Variants in NR2F1-AS1 observed in about 807,000 individuals in gnomAD.
The protein encoded by NR2F1-AS1 is NR2F1 antisense RNA 1.
chr5:93,495,689 AT>A (rs1244840093), intron 4 of NR2F1-AS1, among the ~76,000 whole-genome samples: 1 of 152,122 alleles, frequency 6.6e-6, no homozygotes, highest in African/African-American at 2.4e-5. Flanking sequence ...ACTTTATAAA[AT>A]TTTAATAAGG....
chr5:93,522,341 A>T (rs1055954983), intron 4 of NR2F1-AS1, among the ~76,000 whole-genome samples: 3 of 152,350 alleles, frequency 2.0e-5, no homozygotes, highest in Non-Finnish European at 2.9e-5. Flanking sequence ...CTTCACAAGT[A>T]TCCCCGAACC....
intron 4 of NR2F1-AS1, among the ~76,000 whole-genome samples, chr5:93,520,826 C>G (rs955652316): frequency 2.0e-5 from 3 of 152,256 alleles, no homozygotes; most frequent in Non-Finnish European, 2.9e-5. Flanking sequence ...AAGCCTCCCC[C>G]CAAAGAAAGC....
chr5:93,452,283 A>G (rs1749847627), intron 4 of NR2F1-AS1, among the ~76,000 whole-genome samples: 1 of 152,232 alleles, frequency 6.6e-6, no homozygotes, highest in Non-Finnish European at 1.5e-5. Context: ...CTGCCTTCCA[A>G]TCATAAATAA....
chr5:93,585,553 C>G, upstream of NR2F1-AS1: 14 of 1,350,962 alleles, frequency 1.0e-5, no homozygotes, highest in Non-Finnish European at 1.3e-5. Flanking sequence ...CTTTCTTTCT[C>G]GCCCGGGTGG....
At chr5:93,505,490 T>C (rs1408770819) in intron 4 of NR2F1-AS1, among the ~76,000 whole-genome samples, 2 of 152,178 alleles carry the variant, frequency 1.3e-5, no homozygotes, top group East Asian at 3.9e-4. Flanking sequence ...CAGCAGAGGT[T>C]CTCCATGAGG....
chr5:93,536,844 C>G (rs1040430077), intron 4 of NR2F1-AS1, among the ~76,000 whole-genome samples: 1 of 152,252 alleles, frequency 6.6e-6, no homozygotes, highest in Admixed American at 6.5e-5. Context: ...GTGGAAGGGA[C>G]CTGGTGGGAG....
chr5:93,476,984 T>A (rs960207560), intron 4 of NR2F1-AS1, among the ~76,000 whole-genome samples: 8 of 152,220 alleles, frequency 5.3e-5, no homozygotes, highest in African/African-American at 1.9e-4. Context: ...TTTGGTTTGA[T>A]TCAAACCAAA....
intron 4 of NR2F1-AS1, chr5:93,432,359 AC>A (rs1749345262): frequency 6.6e-6 from 1 of 152,162 alleles, no homozygotes; most frequent in African/African-American, 2.4e-5. Context: ...TTTTCCAAGT[AC>A]TTACCATGAT....
intron 2 of NR2F1-AS1, among the ~76,000 whole-genome samples, chr5:93,558,320 T>C (rs748672044): frequency 1.5e-5 from 2 of 130,580 alleles, no homozygotes; most frequent in African/African-American, 3.5e-5. Flanking sequence ...AATGTATTTC[T>C]TTTTTTTTTT....
chr5:93,575,475 A>G (rs924449820), intron 1 of NR2F1-AS1, among the ~76,000 whole-genome samples: 8 of 151,902 alleles, frequency 5.3e-5, no homozygotes, highest in African/African-American at 1.9e-4. Flanking sequence ...AAACTTTTAA[A>G]CTGCCTAATG....
intron 4 of NR2F1-AS1, among the ~76,000 whole-genome samples, chr5:93,523,409 G>C (rs1751545164): frequency 6.6e-6 from 1 of 152,204 alleles, no homozygotes. Flanking sequence ...GGAAGTGGCA[G>C]CTGTGGGTGC....
At chr5:93,532,748 A>T (rs1055196074) in intron 4 of NR2F1-AS1, among the ~76,000 whole-genome samples, 1 of 152,364 alleles carries the variant, frequency 6.6e-6, no homozygotes, top group Non-Finnish European at 1.5e-5. Context: ...TTCGTGGTTA[A>T]GTGAAAACTG....
chr5:93,453,739 C>T lies in NR2F1-AS1; in HGVS notation n.639-58197G>A, dbSNP rs1030385135. 3.9e-5 allele frequency among the ~76,000 whole-genome samples: 6 copies of T among 152,138 alleles called. No homozygotes were observed. In the East Asian group the frequency reaches 5.8e-4, roughly 15 times the overall value. On this transcript the variant is annotated intron_variant and non_coding_transcript_variant, in intron 4 of 5. Transcript: ENST00000660523. ...AACAAAAAACAAATAAAAAAACACA[C>T]GTTCTATACAGGAAAAAATATATCT... is the stretch of plus-strand genomic sequence containing the variant.
intron 4 of NR2F1-AS1, among the ~76,000 whole-genome samples, chr5:93,490,575 T>C (rs1191732295): frequency 6.7e-6 from 1 of 149,180 alleles, no homozygotes; most frequent in East Asian, 2.0e-4. Context: ...ATGGGAGTGG[T>C]GGTGGTGGTG....
intron 4 of NR2F1-AS1, among the ~76,000 whole-genome samples, chr5:93,442,417 C>T (rs1401540743): frequency 1.3e-5 from 2 of 152,266 alleles, no homozygotes; most frequent in East Asian, 1.9e-4. Context: ...TCGGAGGGTC[C>T]CACGCCCATG....
chr5:93,484,444 G>A (rs1023066119), intron 4 of NR2F1-AS1, among the ~76,000 whole-genome samples: 1 of 152,148 alleles, frequency 6.6e-6, no homozygotes, highest in African/African-American at 2.4e-5. Flanking sequence ...AAGAGCTCCT[G>A]AAGGAAGCAC....
chr5:93,500,463 T>A (rs1417752223), intron 4 of NR2F1-AS1, among the ~76,000 whole-genome samples: 3 of 151,646 alleles, frequency 2.0e-5, no homozygotes, highest in African/African-American at 7.3e-5. Flanking sequence ...GACCCATTGC[T>A]CAGGGGAAAA....
chr5:93,534,412 G>A (rs1284083469), intron 4 of NR2F1-AS1, among the ~76,000 whole-genome samples: 1 of 152,044 alleles, frequency 6.6e-6, no homozygotes, highest in African/African-American at 2.4e-5. Context: ...TCTTTTCTAA[G>A]ATGAAATATT....
chr5:93,427,877 C>T (rs1429925796), intron 4 of NR2F1-AS1, among the ~76,000 whole-genome samples: 3 of 152,028 alleles, frequency 2.0e-5, no homozygotes, highest in Non-Finnish European at 2.9e-5. Context: ...TCTTTTCCCT[C>T]CCCATTATGA....
Sources: allele counts gnomAD v4.1 joint callset (sites outside exome capture counted in the v4.1 genomes callset), GRCh38; gene constraint gnomAD v4.1.1; transcripts MANE v1.5; gene names NCBI Gene and HGNC (gene_info 2026-07-23, HGNC 2026-07-21).